The following THSD7A variants were observed in gnomAD, a reference collection of about 807,000 sequenced individuals.
The protein encoded by THSD7A is thrombospondin type-1 domain-containing protein 7A.
Under a neutral mutation model 231.3 loss-of-function variants are expected in THSD7A, and 96 were observed. That is an observed-to-expected ratio of 0.41 (90% confidence interval 0.35 to 0.49). THSD7A has a LOEUF of 0.49. Among genes scored for constraint, THSD7A ranks in the 20% least tolerant of loss-of-function variants. THSD7A has a pLI of 0.05. For missense variants in THSD7A, 2,290 were observed against 2,070.2 expected (o/e 1.11, Z -2.06); for synonymous variants, 940 against 743.3 (o/e 1.26, Z -4.30).
intron 9 of THSD7A, among the ~76,000 whole-genome samples, chr7:11,464,149 A>G (rs1785609195): frequency 6.6e-6 from 1 of 151,304 alleles, no homozygotes; most frequent in Admixed American, 6.6e-5. Flanking sequence ...TATGTGTATG[A>G]ACTGTCCATA....
chr7:11,580,694 G>A (rs575772852), intron 4 of THSD7A, among the ~76,000 whole-genome samples: 2 of 152,176 alleles, frequency 1.3e-5, no homozygotes, highest in East Asian at 3.9e-4. Context: ...AGAACACATG[G>A]ACACATAGAG....
intron 23 of THSD7A, among the ~76,000 whole-genome samples, chr7:11,394,625 G>A (rs969161783): frequency 1.3e-5 from 2 of 152,204 alleles, no homozygotes; most frequent in Non-Finnish European, 2.9e-5. Context: ...ACCCGCACAC[G>A]TGATGTTCCT....
intron 2 of THSD7A, among the ~76,000 whole-genome samples, chr7:11,614,091 G>T (rs950781709): frequency 6.6e-6 from 1 of 152,068 alleles, no homozygotes; most frequent in African/African-American, 2.4e-5. Context: ...AGTGAAGTTG[G>T]GATGTTTTAA....
At chr7:11,529,725 C>G (rs1362498207) in intron 6 of THSD7A, among the ~76,000 whole-genome samples, 1 of 152,100 alleles carries the variant, frequency 6.6e-6, no homozygotes, top group African/African-American at 2.4e-5. Context: ...CCAATTAAAC[C>G]TCTTTCCTTT....
chr7:11,659,791 T>C (rs1782856557), intron 1 of THSD7A, among the ~76,000 whole-genome samples: 1 of 151,528 alleles, frequency 6.6e-6, no homozygotes, highest in African/African-American at 2.4e-5. Context: ...ATTAGTGAGG[T>C]GAAATCTCTT....
At chr7:11,723,988 G>A (rs930894022) in intron 1 of THSD7A, among the ~76,000 whole-genome samples, 1 of 151,848 alleles carries the variant, frequency 6.6e-6, no homozygotes, top group Non-Finnish European at 1.5e-5. Flanking sequence ...AGTAAGGATG[G>A]AATCAAGGAA....
intron 4 of THSD7A, among the ~76,000 whole-genome samples, chr7:11,551,639 A>G (rs558295948): frequency 1.3e-5 from 2 of 152,238 alleles, no homozygotes; most frequent in South Asian, 2.1e-4. Flanking sequence ...AATCAAAACC[A>G]TGAGATAACC....
At chr7:11,703,010 T>A (rs1020943530) in intron 1 of THSD7A, among the ~76,000 whole-genome samples, 1 of 151,248 alleles carries the variant, frequency 6.6e-6, no homozygotes, top group Non-Finnish European at 1.5e-5. Flanking sequence ...AAGAAGAAAC[T>A]CTTTTAAACA....
At chr7:11,716,368 G>A (rs1781137545) in intron 1 of THSD7A, among the ~76,000 whole-genome samples, 1 of 151,524 alleles carries the variant, frequency 6.6e-6, no homozygotes, top group Admixed American at 6.6e-5. Flanking sequence ...TAGGTAAACA[G>A]GAAATTACAA....
intron 9 of THSD7A, among the ~76,000 whole-genome samples, chr7:11,462,596 T>C (rs936532949): frequency 1.3e-5 from 2 of 152,212 alleles, no homozygotes; most frequent in Admixed American, 1.3e-4. Flanking sequence ...AAATTTTATT[T>C]CTTTGTTATT....
At chr7:11,552,894 C>T (rs1389930967) in intron 4 of THSD7A, among the ~76,000 whole-genome samples, 1 of 152,068 alleles carries the variant, frequency 6.6e-6, no homozygotes, top group Admixed American at 6.5e-5. Context: ...GTAAATCAGA[C>T]ACCGCCTCCT....
intron 13 of THSD7A, among the ~76,000 whole-genome samples, chr7:11,429,555 A>G (rs1293136939): frequency 6.6e-6 from 1 of 152,200 alleles, no homozygotes; most frequent in Non-Finnish European, 1.5e-5. Context: ...AAGAAATCCC[A>G]GTCCCTTTCA....
chr7:11,676,012 G>A (rs923872883), intron 1 of THSD7A, among the ~76,000 whole-genome samples: 2 of 152,174 alleles, frequency 1.3e-5, no homozygotes, highest in Admixed American at 6.5e-5. Context: ...TCATACAAGA[G>A]AGCCCTGGCT....
At chr7:11,810,910 A>G (rs534325351) in intron 1 of THSD7A, among the ~76,000 whole-genome samples, 3 of 152,192 alleles carry the variant, frequency 2.0e-5, no homozygotes, top group African/African-American at 7.2e-5. Context: ...TAGGAAGACT[A>G]AAGACTCCTC....
At chr7:11,386,787 T>A (rs1782761156) in intron 23 of THSD7A, among the ~76,000 whole-genome samples, 1 of 152,222 alleles carries the variant, frequency 6.6e-6, no homozygotes, top group Non-Finnish European at 1.5e-5. Flanking sequence ...TCTTTGCCCA[T>A]GCCTATGTCC....
intron 12 of THSD7A, among the ~76,000 whole-genome samples, chr7:11,447,027 G>A (rs1373226795): frequency 6.6e-6 from 1 of 152,114 alleles, no homozygotes; most frequent in African/African-American, 2.4e-5. Flanking sequence ...TATATAGGGA[G>A]TCAGAGTTCA....
At chr7:11,486,115 A>C (rs1002038941) in intron 6 of THSD7A, among the ~76,000 whole-genome samples, 3 of 152,158 alleles carry the variant, frequency 2.0e-5, no homozygotes, top group African/African-American at 7.2e-5. Context: ...AATTCCAGCC[A>C]CTTTTTGAGG....
chr7:11,513,458 C>T (rs1467362944), intron 6 of THSD7A, among the ~76,000 whole-genome samples: 1 of 151,880 alleles, frequency 6.6e-6, no homozygotes, highest in East Asian at 1.9e-4. Flanking sequence ...ATGATTCAAC[C>T]ATAAAAAGGA....
intron 4 of THSD7A, among the ~76,000 whole-genome samples, chr7:11,561,417 G>T: frequency 6.6e-6 from 1 of 152,138 alleles, no homozygotes; most frequent in South Asian, 2.1e-4. Context: ...CCTTCTGCTA[G>T]ATACCAATAA....
Sources: allele counts gnomAD v4.1 joint callset (sites outside exome capture counted in the v4.1 genomes callset), GRCh38; gene constraint gnomAD v4.1.1; transcripts MANE v1.5; gene names NCBI Gene and HGNC (gene_info 2026-07-23, HGNC 2026-07-21).